The following PDE4B variants were observed in gnomAD, a reference collection of about 807,000 sequenced individuals.
The protein encoded by PDE4B is 3',5'-cyclic-AMP phosphodiesterase 4B.
In PDE4B, 20 loss-of-function variants were observed where a neutral mutation model predicts 82.2. The ratio of observed to expected loss-of-function variants is 0.24; its 90% CI spans 0.17 to 0.35. PDE4B has a LOEUF of 0.35. Among genes scored for constraint, PDE4B ranks in the 10% least tolerant of loss-of-function variants. The pLI is 1.00. For missense variants in PDE4B, 655 were observed against 907.2 expected, an observed-to-expected ratio of 0.72 and a Z score of 3.57; for synonymous variants, 320 against 318.9, an observed-to-expected ratio of 1.00 and a Z score of -0.04.
chr1:66,236,636 G>A (rs1046818156), intron 3 of PDE4B, among the ~76,000 whole-genome samples: 1 of 152,084 alleles, frequency 6.6e-6, no homozygotes, highest in Non-Finnish European at 1.5e-5. Context: ...AAACTTTACA[G>A]CTTGATTGTT....
At chr1:65,947,140 A>T (rs1390282350) in intron 3 of PDE4B, among the ~76,000 whole-genome samples, 1 of 151,994 alleles carries the variant, frequency 6.6e-6, no homozygotes, top group Admixed American at 6.6e-5. Flanking sequence ...TGTCCAGATG[A>T]CTCAAGGCTG....
intron 3 of PDE4B, among the ~76,000 whole-genome samples, chr1:66,242,968 C>A (rs1382327304): frequency 6.6e-6 from 1 of 152,168 alleles, no homozygotes; most frequent in Non-Finnish European, 1.5e-5. Flanking sequence ...GAGAACGTTC[C>A]TGCTCATATT....
At chr1:66,068,000 G>A (rs112792678) in intron 3 of PDE4B, among the ~76,000 whole-genome samples, 11 of 150,578 alleles carry the variant, frequency 7.3e-5, no homozygotes, top group East Asian at 5.9e-4. Context: ...GCTAAATGAC[G>A]AGTTAATGGG....
At chr1:66,087,999 C>T (rs553020885) in intron 3 of PDE4B, among the ~76,000 whole-genome samples, 34 of 151,388 alleles carry the variant, frequency 2.2e-4, no homozygotes, top group African/African-American at 7.8e-4. Context: ...GCACATGTAC[C>T]CTAAAACTTA....
chr1:66,360,241 G>A (rs1411242940), intron 9 of PDE4B, among the ~76,000 whole-genome samples: 1 of 152,130 alleles, frequency 6.6e-6, no homozygotes, highest in Non-Finnish European at 1.5e-5. Context: ...GTAGGAGCTT[G>A]TGGACACCTA....
intron 3 of PDE4B, among the ~76,000 whole-genome samples, chr1:66,171,468 T>C (rs1417939350): frequency 6.6e-6 from 1 of 152,188 alleles, no homozygotes; most frequent in Non-Finnish European, 1.5e-5. Context: ...ACTAATGTCA[T>C]TGTAATTTTC....
chr1:66,238,669 G>A (rs1028189859), intron 3 of PDE4B, among the ~76,000 whole-genome samples: 11 of 150,444 alleles, frequency 7.3e-5, no homozygotes, highest in Non-Finnish European at 1.3e-4. Flanking sequence ...AATCATGGAT[G>A]ATTCTGGTTT....
intron 1 of PDE4B, among the ~76,000 whole-genome samples, chr1:65,826,144 T>G (rs1431758673): frequency 3.3e-5 from 5 of 152,194 alleles, no homozygotes; most frequent in African/African-American, 9.7e-5. Context: ...TCATGAAACT[T>G]ATTGGAAAAG....
intron 3 of PDE4B, among the ~76,000 whole-genome samples, chr1:65,982,145 T>G (rs758636085): frequency 1.3e-5 from 2 of 152,224 alleles, no homozygotes; most frequent in Non-Finnish European, 2.9e-5. Context: ...AAGATGTTTC[T>G]GATGAAGTTT....
chr1:66,356,093 A>C (rs1662217488), intron 9 of PDE4B, among the ~76,000 whole-genome samples: 1 of 152,228 alleles, frequency 6.6e-6, no homozygotes, highest in African/African-American at 2.4e-5. Context: ...TTGGTCCTTG[A>C]GAATAAGCTT....
Position 66,367,706 on chromosome 1 carries a change from T to A in PDE4B, c.1395T>A (p.Leu465=). The A allele has an allele frequency of 6.2e-7, 1 of 1,609,638 alleles. No homozygotes were observed. The highest frequency in any genetic ancestry group is 1.1e-5 in the South Asian group (1 of 90,054). Residue 465 remains leucine, a synonymous_variant, in exon 14 of 17, where the codon CTT becomes CTA. Transcript: ENST00000341517. ...NQFLINTNSE[L]ALMYNDESVL... ...GGTCTGATTTATTAGATTCAGAACTTGCTTTGATGTATAATGATGAATCTG... is the reference window on the plus strand; with the variant it reads ...GGTCTGATTTATTAGATTCAGAACTAGCTTTGATGTATAATGATGAATCTG...
At chr1:66,335,979 G>A (rs1364844745) in intron 8 of PDE4B, among the ~76,000 whole-genome samples, 1 of 152,222 alleles carries the variant, frequency 6.6e-6, no homozygotes, top group Non-Finnish European at 1.5e-5. Context: ...ACAGTCAGAT[G>A]TTTTGAAAAC....
chr1:66,153,880 G>A (rs191092491), intron 3 of PDE4B, among the ~76,000 whole-genome samples: 10 of 152,258 alleles, frequency 6.6e-5, no homozygotes, highest in African/African-American at 1.9e-4. Context: ...GACCTGAGGG[G>A]CATCAAGGAG....
At chr1:66,282,312 G>A (rs1656357520) in intron 7 of PDE4B, among the ~76,000 whole-genome samples, 1 of 152,210 alleles carries the variant, frequency 6.6e-6, no homozygotes, top group South Asian at 2.1e-4. Context: ...TTCCCTGAAA[G>A]ACTTTTGGGT....
intron 3 of PDE4B, among the ~76,000 whole-genome samples, chr1:66,202,338 A>G (rs575682779): frequency 0.01 from 1,542 of 152,200 alleles, 24 homozygotes; most frequent in African/African-American, 0.036. Flanking sequence ...TTTGGGGTGG[A>G]GAGTTCTGTA....
At chr1:65,875,687 A>G (rs1248038519) in intron 1 of PDE4B, among the ~76,000 whole-genome samples, 2 of 150,244 alleles carry the variant, frequency 1.3e-5, no homozygotes. Context: ...CATTCTCAGT[A>G]AACTATTGCA....
chr1:66,039,337 A>G (rs557274518), intron 3 of PDE4B, among the ~76,000 whole-genome samples: 73 of 152,216 alleles, frequency 4.8e-4, no homozygotes, highest in Admixed American at 9.2e-4. Flanking sequence ...GAAAATGCCA[A>G]TACCTTTATT....
chr1:65,831,678 AGCATTTTATGAAGC>A (rs1424206366), intron 1 of PDE4B, among the ~76,000 whole-genome samples: 26 of 17,166 alleles, frequency 1.5e-3, no homozygotes, highest in African/African-American at 3.0e-3. Context: ...TTATGAAGCC[AGCATTTTATGAAGC>A]CAGTCAAAGA....
intron 3 of PDE4B, among the ~76,000 whole-genome samples, chr1:66,096,511 TATATA>T (rs1645119195): frequency 3.0e-5 from 4 of 132,916 alleles, no homozygotes; most frequent in African/African-American, 1.2e-4. Flanking sequence ...AAAAAAATTA[TATATA>T]TATATATATA....
Sources: allele counts gnomAD v4.1 joint callset (sites outside exome capture counted in the v4.1 genomes callset), GRCh38; gene constraint gnomAD v4.1.1; transcripts MANE v1.5; gene names NCBI Gene and HGNC (gene_info 2026-07-23, HGNC 2026-07-21).